The following ZNF383 variants were observed in gnomAD, a reference collection of about 807,000 sequenced individuals.
The protein encoded by ZNF383 is zinc finger protein 383.
In ZNF383, 32 loss-of-function variants were observed where a neutral mutation model predicts 44.2. The observed-to-expected ratio is 0.72, with a 90% CI of 0.55 to 0.97. The LOEUF (loss-of-function observed/expected upper bound fraction) is 0.97. Among genes scored for constraint, ZNF383 ranks in the 50% least tolerant of loss-of-function variants. The probability of loss-of-function intolerance (pLI) is 0.00; values close to 1 mark genes in which losing one functional copy is unlikely to be tolerated. For missense variants in ZNF383, 487 were observed against 562.5 expected, an observed-to-expected ratio of 0.87 and a Z score of 1.36; for synonymous variants, 155 against 186.2, an observed-to-expected ratio of 0.83 and a Z score of 1.36.
intron 5 of ZNF383, among the ~76,000 whole-genome samples, chr19:37,238,773 G>A (rs979242882): frequency 1.3e-5 from 2 of 152,128 alleles, no homozygotes; most frequent in Non-Finnish European, 2.9e-5. Flanking sequence ...ATTTTACTCC[G>A]AATGAGGTGT....
chr19:37,224,330 AAACTT>A (rs1273857141), intron 1 of ZNF383, among the ~76,000 whole-genome samples: 1 of 152,206 alleles, frequency 6.6e-6, no homozygotes, highest in African/African-American at 2.4e-5. Flanking sequence ...ATCTCTAACA[AAACTT>A]AAAATATGAA....
At position 37,248,731 on chromosome 19, in the gene ZNF383, T is replaced by C. The variant is rs1326605256; in HGVS notation, c.*5067T>C. 4.6e-5 allele frequency: 7 copies of C among 152,252 alleles called. No homozygotes were observed. The highest frequency in any genetic ancestry group is 2.6e-4 in the Admixed American group (4 of 15,286). 9.4% of individuals were successfully genotyped at this position (152,252 alleles called of 1,614,324 possible). A position where few individuals can be genotyped will look rare whatever the true frequency, so the allele number is the denominator to read the frequency against. Reference sequence around the variant, plus strand: ...ATATATTTTATAAATAAACTTGGACTATTATCCTATCTGCTGCAGTATCAC... The same window carrying C: ...ATATATTTTATAAATAAACTTGGACCATTATCCTATCTGCTGCAGTATCAC... On this transcript the variant is annotated 3_prime_UTR_variant, in exon 6 of 6. Transcript: ENST00000684119.
In ZNF383 at chr19:37,243,529, TAATA is replaced by T; in HGVS notation, c.1297_1300del (p.Lys433AlafsTer8). ...AATGTAATGAATGTGGAAAGGCCTT[TAATA>T]AATGCTCAAACCTTACTCGACATCT... On this transcript the variant is annotated frameshift_variant, in exon 6 of 6. Coordinates refer to ENST00000684119, the MANE Select transcript of ZNF383 (RefSeq NM_001387601.1). LOFTEE classifies it high-confidence loss of function. 1 of 1,614,076 alleles carries T rather than the reference TAATA, an allele frequency of 6.2e-7. No individual in the cohort carries two copies. Among genetic ancestry groups the T allele is most frequent in the Non-Finnish European group, 8.5e-7 (1 of 1,179,984 alleles).
chr19:37,243,505 A>G lies in ZNF383; in HGVS notation c.1269A>G (p.Glu423=), dbSNP rs1821835359. 1 of 1,614,072 alleles carries G rather than the reference A, an allele frequency of 6.2e-7. No individual in the cohort carries two copies. The highest frequency in any genetic ancestry group is 8.5e-7 in the Non-Finnish European group (1 of 1,179,986). The change falls in exon 6 of 6, where the codon GAA becomes GAG. Residue 423 remains glutamate (E), a synonymous_variant. Coordinates refer to ENST00000684119, the MANE Select transcript of ZNF383 (RefSeq NM_001387601.1). Reference sequence around the variant, plus strand: ...TTCATACAGATGAAAAACCATATGAATGTAATGAATGTGGAAAGGCCTTTA... The same window carrying G: ...TTCATACAGATGAAAAACCATATGAGTGTAATGAATGTGGAAAGGCCTTTA... ...QRIHTDEKPY[E]CNECGKAFNK... is the part of the protein sequence containing the mutation.
At chr19:37,236,438 A>C (rs1416097962) in intron 5 of ZNF383, among the ~76,000 whole-genome samples, 1 of 151,258 alleles carries the variant, frequency 6.6e-6, no homozygotes, top group Non-Finnish European at 1.5e-5. Flanking sequence ...CCCAGGCTAG[A>C]GTGCAGTGAC....
At position 37,240,360 on chromosome 19, in the gene ZNF383, T is replaced by C. The variant is rs932692696; in HGVS notation, c.233-2109T>C. Among the ~76,000 whole-genome samples the C allele has an allele frequency of 3.9e-5, 6 of 152,170 alleles. No individual in the cohort carries two copies. In the South Asian group the frequency reaches 1.2e-3, roughly 32 times the overall value. On this transcript the variant is annotated intron_variant, in intron 5 of 5. Transcript: ENST00000684119. ...AACACTTTACTCCAAAACATGTATA[T>C]ACATTTTCCTGTAACCCCCCAGTAA... is the stretch of plus-strand genomic sequence containing the variant.
intron 1 of ZNF383, among the ~76,000 whole-genome samples, chr19:37,222,506 A>G (rs1262638487): frequency 2.0e-5 from 3 of 152,082 alleles, no homozygotes; most frequent in Admixed American, 2.0e-4. Context: ...CCTCTCAAGT[A>G]GCTGAGATTA....
At position 37,243,664 on chromosome 19, in the gene ZNF383, A is replaced by C; in HGVS notation, c.1428A>C (p.Ter476TyrextTer1). The C allele has an allele frequency of 6.7e-7, 1 of 1,493,432 alleles. No individual in the cohort carries two copies. The highest frequency in any genetic ancestry group is 8.9e-7 in the Non-Finnish European group (1 of 1,118,488). The allele number at this position is 1,493,432 out of a possible 1,614,324, so 92.5% of individuals were successfully genotyped here. ...IRHQGIHTNK[*>Y] Reference sequence around the variant, plus strand: ...ATCAGGGAATTCATACTAATAAATAATAAAAATTAAAGCCCCTGTCACCTT... The same window carrying C: ...ATCAGGGAATTCATACTAATAAATACTAAAAATTAAAGCCCCTGTCACCTT... Residue 476 changes from the stop codon to tyrosine, a stop_lost, in exon 6 of 6, where the codon TAA (stop) becomes TAC (tyrosine). Transcript: ENST00000684119.
Position 37,242,641 on chromosome 19 carries a change from T to G in ZNF383, c.405T>G (p.Asn135Lys). 6.2e-7 allele frequency: 1 copy of G among 1,614,122 alleles called. No individual in the cohort carries two copies. Among genetic ancestry groups the G allele is most frequent in the African/African-American group, 1.3e-5 (1 of 75,052 alleles). The change falls in exon 6 of 6, where the codon AAT becomes AAG. Residue 135 changes from asparagine to lysine, a missense_variant. Asn to Lys is a moderately conservative substitution (Grantham distance 94). Transcript: ENST00000684119. The part of the protein sequence containing the change: ...SHLAKQLGYP[N>K]GHFSQEIFTP... Reference sequence around the variant, plus strand: ...TTGCAAAACAACTGGGATATCCAAATGGGCATTTTAGTCAAGAAATATTCA... The same window carrying G: ...TTGCAAAACAACTGGGATATCCAAAGGGGCATTTTAGTCAAGAAATATTCA...
At chr19:37,233,171 C>A (rs1014437834) in intron 3 of ZNF383, among the ~76,000 whole-genome samples, 5 of 152,102 alleles carry the variant, frequency 3.3e-5, no homozygotes, top group African/African-American at 1.2e-4. Flanking sequence ...TGCTCTGTCG[C>A]CCAGGCTGGA....
Position 37,245,341 on chromosome 19 carries a change from T to G in ZNF383, c.*1677T>G, listed in dbSNP as rs560360076. 2.0e-5 allele frequency: 3 copies of G among 152,344 alleles called. No homozygotes were observed. The East Asian group carries it at 5.8e-4, about 29-fold the overall frequency. 9.4% of individuals were successfully genotyped at this position (152,344 alleles called of 1,614,324 possible). Reference sequence around the variant, plus strand: ...TTACTTTTAAAACATTTATTTTAATTGCTAAAATTATCTACATTTTCTCCT... The same window carrying G: ...TTACTTTTAAAACATTTATTTTAATGGCTAAAATTATCTACATTTTCTCCT... On this transcript the variant is annotated 3_prime_UTR_variant, in exon 6 of 6. Transcript: ENST00000684119.
intron 1 of ZNF383, among the ~76,000 whole-genome samples, chr19:37,221,969 A>AAG (rs1568518698): frequency 1.3e-5 from 2 of 148,792 alleles, no homozygotes; most frequent in African/African-American, 5.2e-5. Flanking sequence ...AAAAAAAAAA[A>AAG]AAAAGAAAAA....
chr19:37,227,093 C>T (rs1973203942), intron 2 of ZNF383, among the ~76,000 whole-genome samples: 1 of 149,096 alleles, frequency 6.7e-6, no homozygotes, highest in Admixed American at 6.7e-5. Flanking sequence ...AGGCATGAGC[C>T]ACTGCACCCA....
chr19:37,232,448 A>G (rs185236768), intron 3 of ZNF383, among the ~76,000 whole-genome samples: 51 of 152,336 alleles, frequency 3.3e-4, no homozygotes, highest in African/African-American at 8.9e-4. Flanking sequence ...TTTTATACCA[A>G]TAAAATATAT....
chr19:37,230,985 T>C (rs939201435), intron 3 of ZNF383, among the ~76,000 whole-genome samples: 2 of 152,230 alleles, frequency 1.3e-5, no homozygotes, highest in African/African-American at 4.8e-5. Flanking sequence ...TCTGCAACTC[T>C]GTAAGAACAT....
rs1974442968 is a variant in ZNF383 at position 37,248,442 on chromosome 19, G to A, written c.*4778G>A. The A allele has an allele frequency of 2.0e-5, 3 of 151,922 alleles. No individual in the cohort carries two copies. Among genetic ancestry groups the A allele is most frequent in the Admixed American group, 6.6e-5 (1 of 15,264 alleles). The allele number at this position is 151,922 out of a possible 1,614,324, so 9.4% of individuals were successfully genotyped here. A position where few individuals can be genotyped will look rare whatever the true frequency, so the allele number is the denominator to read the frequency against. ...AAATATTTGTCACATTCTGAATTTA[G>A]GAAAAAACAATTCTGATAAATCAAA... On this transcript the variant is annotated 3_prime_UTR_variant, in exon 6 of 6. Transcript: ENST00000684119.
chr19:37,222,134 C>G (rs1210207061), intron 1 of ZNF383, among the ~76,000 whole-genome samples: 2 of 151,998 alleles, frequency 1.3e-5, no homozygotes, highest in Non-Finnish European at 2.9e-5. Flanking sequence ...TTTACCTATA[C>G]TTGAATTTTG....
chr19:37,244,976 G>A lies in ZNF383; in HGVS notation c.*1312G>A, dbSNP rs1488463919. 6.6e-6 allele frequency: 1 copy of A among 152,034 alleles called. No homozygotes were observed. Among genetic ancestry groups the A allele is most frequent in the Non-Finnish European group, 1.5e-5 (1 of 68,000 alleles). The allele number at this position is 152,034 out of a possible 1,614,324, so 9.4% of individuals were successfully genotyped here. ...TAAAATGACTATTCCCATTATGGTTGCCACTAAATTTTTGCAGCTATAAAA... is the reference window on the plus strand; with the variant it reads ...TAAAATGACTATTCCCATTATGGTTACCACTAAATTTTTGCAGCTATAAAA... On this transcript the variant is annotated 3_prime_UTR_variant, in exon 6 of 6. Coordinates refer to ENST00000684119, the MANE Select transcript of ZNF383 (RefSeq NM_001387601.1).
rs923150395 is a variant in ZNF383, at chr19:37,218,734, C to A, written c.-168+460C>A. On this transcript the variant is annotated intron_variant, in intron 1 of 5. Coordinates refer to ENST00000684119, the MANE Select transcript of ZNF383 (RefSeq NM_001387601.1). ...CTACTACCCAGAAATAACCCAGTAA[C>A]GTGAGAATGTGAGAGTGTGACCATG... Among the ~76,000 whole-genome samples the A allele has an allele frequency of 4.6e-5, 7 of 152,004 alleles. 1 individual carries two copies. The highest frequency in any genetic ancestry group is 1.7e-4 in the African/African-American group (7 of 41,362).
Sources: allele counts gnomAD v4.1 joint callset (sites outside exome capture counted in the v4.1 genomes callset), GRCh38; gene constraint gnomAD v4.1.1; transcripts MANE v1.5; gene names NCBI Gene and HGNC (gene_info 2026-07-23, HGNC 2026-07-21).